FBXL13: variants seen among roughly 807,000 people sequenced by gnomAD.
FBXL13 encodes the protein F-box and leucine rich repeat protein 13.
A neutral mutation model predicts 83.6 loss-of-function variants in FBXL13; 67 were observed. The ratio of observed to expected loss-of-function variants is 0.80; its 90% CI spans 0.66 to 0.98. The LOEUF (loss-of-function observed/expected upper bound fraction) is 0.98. Ranked by LOEUF, FBXL13 falls within the 50% of genes least tolerant of loss-of-function variation. The pLI is 0.00. For missense variants in FBXL13, 822 were observed against 866.5 expected (o/e 0.95, Z 0.64); for synonymous variants, 272 against 299.5 (o/e 0.91, Z 0.95).
intron 16 of FBXL13, among the ~76,000 whole-genome samples, chr7:102,870,848 C>T (rs543573207): frequency 2.0e-5 from 3 of 152,184 alleles, no homozygotes; most frequent in Non-Finnish European, 4.4e-5. Flanking sequence ...CCCAGGAGGT[C>T]GAGGCTGCAG....
intron 1 of FBXL13, among the ~76,000 whole-genome samples, chr7:103,056,186 C>T (rs1797313369): frequency 6.6e-6 from 1 of 152,084 alleles, no homozygotes; most frequent in African/African-American, 2.4e-5. Flanking sequence ...TTAATTAGTT[C>T]CTTTTCATGG....
In FBXL13 at chr7:102,963,528, C is replaced by G; in HGVS notation, c.724+5G>C. ...AAGACAAATAGTTGTAATGAACATA[C>G]TTACTGACAGATCTGAAAGTTTTGG... On this transcript the variant is annotated splice_donor_5th_base_variant and intron_variant, in intron 8 of 19. Coordinates refer to ENST00000313221, the Ensembl canonical transcript of FBXL13. 1 of 1,610,786 alleles carries G rather than the reference C, an allele frequency of 6.2e-7. No homozygotes were observed. Among genetic ancestry groups the G allele is most frequent in the Non-Finnish European group, 8.5e-7 (1 of 1,179,254 alleles).
At chr7:102,865,143 A>C (rs138764678) in intron 16 of FBXL13, among the ~76,000 whole-genome samples, 2 of 152,198 alleles carry the variant, frequency 1.3e-5, no homozygotes, top group Non-Finnish European at 2.9e-5. Flanking sequence ...TCTACCTATA[A>C]AATTATCTAT....
intron 10 of FBXL13, among the ~76,000 whole-genome samples, chr7:102,922,205 T>TTAAA (rs1292411876): frequency 3.3e-5 from 5 of 149,614 alleles, no homozygotes; most frequent in South Asian, 2.1e-4. Flanking sequence ...AAAAAAAAAA[T>TTAAA]TAAATAAATA....
chr7:102,963,655 G>GA lies in FBXL13; in HGVS notation c.601dup (p.Ser201PhefsTer10), dbSNP rs1825629172. On this transcript the variant is annotated frameshift_variant, in exon 8 of 20. Transcript: ENST00000313221. LOFTEE classifies it high-confidence loss of function. ...ATCTGGAATCACATTTTTCACTGAG[G>GA]AAAAATCAATCTAAAAAGAATAAAC... 3 of 1,593,498 alleles carry GA rather than the reference G, an allele frequency of 1.9e-6. No homozygotes were observed. The highest frequency in any genetic ancestry group is 1.4e-5 in the African/African-American group (1 of 73,516).
chr7:102,853,499 C>G (rs1054573596), intron 17 of FBXL13, among the ~76,000 whole-genome samples: 3 of 152,160 alleles, frequency 2.0e-5, no homozygotes, highest in Non-Finnish European at 4.4e-5. Context: ...GCAATGGCAA[C>G]AAAAGCCAAA....
chr7:102,968,834 C>T (rs1179769555), intron 6 of FBXL13, among the ~76,000 whole-genome samples: 1 of 152,144 alleles, frequency 6.6e-6, no homozygotes, highest in Admixed American at 6.5e-5. Flanking sequence ...TCAGATTTTA[C>T]TGGCCATGCA....
chr7:102,971,804 T>A (rs1826707896), intron 6 of FBXL13, among the ~76,000 whole-genome samples: 1 of 152,082 alleles, frequency 6.6e-6, no homozygotes, highest in Non-Finnish European at 1.5e-5. Context: ...GGTGGGCGGA[T>A]CACCTGAGGT....
At chr7:102,847,250 G>A (rs1804164737) in intron 17 of FBXL13, among the ~76,000 whole-genome samples, 1 of 151,896 alleles carries the variant, frequency 6.6e-6, no homozygotes, top group Admixed American at 6.6e-5. Context: ...GCAAGCTCCT[G>A]TCTGCTTCAC....
chr7:102,883,487 G>A lies in FBXL13; in HGVS notation c.1226-20C>T, dbSNP rs767605992. On this transcript the variant is annotated intron_variant, in intron 13 of 19. Coordinates refer to ENST00000313221, the Ensembl canonical transcript of FBXL13. The stretch of plus-strand genomic sequence containing the variant: ...TATTTCCTGTTTTTAAAAAACAGAA[G>A]AAAAGACAAGTATTGTATTTAGAAT... 1 of 1,600,252 alleles carries A rather than the reference G, an allele frequency of 6.2e-7. No homozygotes were observed. The highest frequency in any genetic ancestry group is 8.5e-7 in the Non-Finnish European group (1 of 1,172,000).
At chr7:103,026,486 C>T (rs1162148645) in intron 5 of FBXL13, among the ~76,000 whole-genome samples, 1 of 152,124 alleles carries the variant, frequency 6.6e-6, no homozygotes, top group African/African-American at 2.4e-5. Flanking sequence ...GTATTAGGTA[C>T]CCAAAGTAGA....
intron 11 of FBXL13, among the ~76,000 whole-genome samples, chr7:102,911,188 A>G (rs1814608187): frequency 6.6e-6 from 1 of 152,168 alleles, no homozygotes; most frequent in African/African-American, 2.4e-5. Context: ...TGTGTTTTGT[A>G]TGCATATCTG....
chr7:102,827,158 C>G (rs1322434900), intron 18 of FBXL13: 1 of 454,922 alleles, frequency 2.2e-6, no homozygotes, highest in Admixed American at 2.3e-5. Flanking sequence ...TACCTTTAGC[C>G]CTTAGCCTCT....
intron 11 of FBXL13, among the ~76,000 whole-genome samples, chr7:102,899,051 G>A (rs1812644733): frequency 1.3e-5 from 2 of 152,136 alleles, no homozygotes; most frequent in Non-Finnish European, 2.9e-5. Flanking sequence ...GGGTAGCTGG[G>A]ATTACAGACT....
At chr7:102,923,014 G>A (rs1584954770) in intron 10 of FBXL13, among the ~76,000 whole-genome samples, 2 of 151,944 alleles carry the variant, frequency 1.3e-5, no homozygotes, top group African/African-American at 4.8e-5. Flanking sequence ...AAAAACAAAA[G>A]AAATTGAAGA....
At chr7:102,989,491 C>A (rs1348365209) in intron 6 of FBXL13, among the ~76,000 whole-genome samples, 1 of 152,180 alleles carries the variant, frequency 6.6e-6, no homozygotes, top group Non-Finnish European at 1.5e-5. Context: ...CCCCTCATAT[C>A]TTCCCAGGAG....
At chr7:102,846,400 C>T (rs1315610791) in intron 17 of FBXL13, among the ~76,000 whole-genome samples, 2 of 152,084 alleles carry the variant, frequency 1.3e-5, no homozygotes, top group Admixed American at 1.3e-4. Flanking sequence ...GGCAGATCAC[C>T]TGAGGTCAGG....
At chr7:102,931,778 T>A (rs1005089536) in intron 9 of FBXL13, 103 bp downstream of exon 10, 1 of 1,104,812 alleles carries the variant, frequency 9.1e-7, no homozygotes, top group Non-Finnish European at 1.3e-6. Context: ...CTTTTCCACA[T>A]TGAATCCCAA....
intron 6 of FBXL13, among the ~76,000 whole-genome samples, chr7:102,997,844 A>G (rs2129485260): frequency 6.6e-6 from 1 of 152,258 alleles, no homozygotes; most frequent in East Asian, 1.9e-4. Context: ...AGTGACAGAT[A>G]CTCTTGGTCA....
Sources: gnomAD v4.1 joint callset for allele counts (sites outside exome capture counted in the v4.1 genomes callset) on GRCh38, gnomAD v4.1.1 for gene constraint, MANE v1.5 for transcripts, NCBI Gene and HGNC (gene_info 2026-07-23, HGNC 2026-07-21) for gene names.